CDKAL1: variants seen among roughly 807,000 people sequenced by gnomAD.
CDKAL1 encodes the protein threonylcarbamoyladenosine tRNA methylthiotransferase.
In CDKAL1, 32 loss-of-function variants were observed where a neutral mutation model predicts 68.2. That is an observed-to-expected ratio of 0.47 (90% CI 0.35 to 0.63). The LOEUF (loss-of-function observed/expected upper bound fraction) is 0.63, where lower values mean the gene tolerates loss of function less well. CDKAL1 is among the 30% of genes least tolerant of loss of function. The pLI, the probability that CDKAL1 is intolerant of heterozygous loss-of-function variation, is 0.00. For synonymous variants in CDKAL1, 234 were observed against 244.3 expected, an observed-to-expected ratio of 0.96 and a Z score of 0.39; for missense variants, 606 against 696.7, an observed-to-expected ratio of 0.87 and a Z score of 1.47.
intron 9 of CDKAL1, among the ~76,000 whole-genome samples, chr6:20,920,392 A>G (rs933785906): frequency 1.1e-4 from 16 of 152,240 alleles, no homozygotes; most frequent in African/African-American, 3.9e-4. Flanking sequence ...AGACGAGGAT[A>G]GGGATCAAAG....
intron 5 of CDKAL1, among the ~76,000 whole-genome samples, chr6:20,714,214 A>T (rs1375060330): frequency 6.6e-6 from 1 of 151,872 alleles, no homozygotes; most frequent in South Asian, 2.1e-4. Context: ...CATAATGTTC[A>T]GTTGATCCAG....
In CDKAL1 at chr6:21,028,618, C is replaced by G. The variant is rs1001066267; in HGVS notation, c.1055+28246C>G. ...TCAGCTCAGGGCTCCACCCTTAAGA[C>G]CTCATTTAACCTTAGTTACCTAAAG... On this transcript the variant is annotated intron_variant, in intron 11 of 15. Transcript: ENST00000274695. Among the ~76,000 whole-genome samples, 5 of 152,148 alleles carry G rather than the reference C, an allele frequency of 3.3e-5. No individual in the cohort carries two copies. The South Asian group carries it at 1.0e-3, about 32-fold the overall frequency.
intron 11 of CDKAL1, among the ~76,000 whole-genome samples, chr6:21,052,586 T>C (rs1296732718): frequency 6.7e-6 from 1 of 148,888 alleles, no homozygotes; most frequent in Non-Finnish European, 1.5e-5. Flanking sequence ...TTGCTCAGGC[T>C]GGCCATGAAC....
chr6:20,569,916 G>C (rs1043300990), intron 4 of CDKAL1, among the ~76,000 whole-genome samples: 3 of 152,096 alleles, frequency 2.0e-5, no homozygotes, highest in African/African-American at 7.2e-5. Flanking sequence ...TCTCAAGAGA[G>C]TGATTCTTCT....
Position 20,535,395 on chromosome 6 carries a change from G to T in CDKAL1, c.-6+1G>T, listed in dbSNP as rs1219680880. Reference sequence around the variant, plus strand: ...TTTAGACTAATTGCAGATAATTAAGGTACTGATTTATTTTAAACCTTTTAT... The same window carrying T: ...TTTAGACTAATTGCAGATAATTAAGTTACTGATTTATTTTAAACCTTTTAT... On this transcript the variant is annotated splice_donor_variant, in intron 2 of 15. Coordinates refer to ENST00000274695, the MANE Select transcript of CDKAL1 (RefSeq NM_017774.3). LOFTEE classifies it low-confidence loss of function (5UTR_SPLICE). The T allele has an allele frequency of 6.6e-6, 1 of 152,176 alleles. No homozygotes were observed. The highest frequency in any genetic ancestry group is 2.1e-4 in the South Asian group (1 of 4,830). 9.4% of individuals were successfully genotyped at this position (152,176 alleles called of 1,614,324 possible). A position where few individuals can be genotyped will look rare whatever the true frequency, so the allele number is the denominator to read the frequency against.
intron 4 of CDKAL1, among the ~76,000 whole-genome samples, chr6:20,591,102 G>A (rs1765572821): frequency 6.6e-6 from 1 of 152,182 alleles, no homozygotes; most frequent in African/African-American, 2.4e-5. Context: ...TTTCTCCAAT[G>A]ACCAGTGATG....
intron 8 of CDKAL1, among the ~76,000 whole-genome samples, chr6:20,814,535 C>A (rs773017590): frequency 1.3e-5 from 2 of 152,184 alleles, no homozygotes; most frequent in Non-Finnish European, 2.9e-5. Context: ...CTGCGTCTGC[C>A]TCCTAAAGTG....
At chr6:20,773,350 T>A (rs1775025778) in intron 7 of CDKAL1, among the ~76,000 whole-genome samples, 1 of 152,212 alleles carries the variant, frequency 6.6e-6, no homozygotes, top group African/African-American at 2.4e-5. Context: ...AAACTTTGAC[T>A]ACACTTTTGT....
intron 15 of CDKAL1, among the ~76,000 whole-genome samples, chr6:21,214,185 T>A (rs183713982): frequency 6.6e-6 from 1 of 152,032 alleles, no homozygotes; most frequent in East Asian, 1.9e-4. Flanking sequence ...AGATGGGGAG[T>A]TCCTTAAGGG....
intron 8 of CDKAL1, among the ~76,000 whole-genome samples, chr6:20,790,503 G>A (rs1186299205): frequency 6.6e-6 from 1 of 152,194 alleles, no homozygotes; most frequent in Non-Finnish European, 1.5e-5. Context: ...CTCCGAACTT[G>A]GTGACGCTGG....
intron 9 of CDKAL1, among the ~76,000 whole-genome samples, chr6:20,906,066 G>A (rs997985162): frequency 6.6e-6 from 1 of 152,154 alleles, no homozygotes; most frequent in Non-Finnish European, 1.5e-5. Flanking sequence ...TAGTAGTATC[G>A]TAACAACAGA....
At chr6:20,596,819 G>A (rs928244518) in intron 4 of CDKAL1, among the ~76,000 whole-genome samples, 5 of 152,232 alleles carry the variant, frequency 3.3e-5, no homozygotes, top group Non-Finnish European at 5.9e-5. Context: ...AAGACCATGG[G>A]AAAAGTGTAG....
chr6:20,763,067 T>C lies in CDKAL1; in HGVS notation c.517+4424T>C, dbSNP rs138595840. 1.7e-3 allele frequency among the ~76,000 whole-genome samples: 264 copies of C among 152,338 alleles called. 1 individual carries two copies. Among genetic ancestry groups the C allele is most frequent in the African/African-American group, 5.9e-3 (244 of 41,572 alleles). On this transcript the variant is annotated intron_variant, in intron 7 of 15. Transcript: ENST00000274695. The stretch of plus-strand genomic sequence containing the variant: ...TATCTTCTGTTTGTCCTTCCACATC[T>C]ATTCTCCATCTTGATCTGTGTCCTT...
At position 20,840,049 on chromosome 6, in the gene CDKAL1, A is replaced by G. The variant is rs78329310; in HGVS notation, c.639-6026A>G. Among the ~76,000 whole-genome samples, 22 of 152,354 alleles carry G rather than the reference A, an allele frequency of 1.4e-4. 1 individual carries two copies. The East Asian group carries it at 3.9e-3, about 27-fold the overall frequency. ...GTGTTTCTTAAGAGAAGTACAGAGTACAATTGGTGATAAAGGAAATTCAAA... is the reference window on the plus strand; with the variant it reads ...GTGTTTCTTAAGAGAAGTACAGAGTGCAATTGGTGATAAAGGAAATTCAAA... On this transcript the variant is annotated intron_variant, in intron 8 of 15. Coordinates refer to ENST00000274695, the MANE Select transcript of CDKAL1 (RefSeq NM_017774.3).
At chr6:20,683,000 A>G (rs1269114723) in intron 5 of CDKAL1, among the ~76,000 whole-genome samples, 1 of 142,238 alleles carries the variant, frequency 7.0e-6, no homozygotes, top group African/African-American at 2.6e-5. Flanking sequence ...TTGCCTAGGC[A>G]GGAGTGCAGT....
intron 8 of CDKAL1, among the ~76,000 whole-genome samples, chr6:20,843,926 A>G (rs970744725): frequency 8.5e-5 from 13 of 152,138 alleles, no homozygotes; most frequent in African/African-American, 2.9e-4. Flanking sequence ...ATACGTGGGA[A>G]TCACAGCTTC....
intron 9 of CDKAL1, among the ~76,000 whole-genome samples, chr6:20,901,893 C>T (rs1035316336): frequency 6.6e-6 from 1 of 151,824 alleles, no homozygotes; most frequent in South Asian, 2.1e-4. Context: ...TTTCATGCCT[C>T]AGCCTCCTAA....
Position 21,171,579 on chromosome 6 carries a change from A to ATGTAGCCATTCATGTAGCCATTAC in CDKAL1, c.1300-26442_1300-26441insTGTAGCCATTCATGTAGCCATTAC, listed in dbSNP as rs1777391293. Among the ~76,000 whole-genome samples the ATGTAGCCATTCATGTAGCCATTAC allele has an allele frequency of 3.3e-5, 5 of 152,328 alleles. No homozygotes were observed. The South Asian group carries it at 1.0e-3, about 32-fold the overall frequency. On this transcript the variant is annotated intron_variant, in intron 13 of 15. Coordinates refer to ENST00000274695, the MANE Select transcript of CDKAL1 (RefSeq NM_017774.3). ...TGAAGTTCTCAGAAACCTTTTCTGT[A>ATGTAGCCATTCATGTAGCCATTAC]ATGGCTACATAATACTATGCCATTG...
At chr6:20,860,128 A>C (rs988826712) in intron 9 of CDKAL1, among the ~76,000 whole-genome samples, 6 of 151,956 alleles carry the variant, frequency 3.9e-5, no homozygotes, top group African/African-American at 1.5e-4. Flanking sequence ...CCCAGGCTGG[A>C]GTGCAGTGGT....
Sources: allele counts gnomAD v4.1 joint callset (sites outside exome capture counted in the v4.1 genomes callset), GRCh38; gene constraint gnomAD v4.1.1; transcripts MANE v1.5; gene names NCBI Gene and HGNC (gene_info 2026-07-23, HGNC 2026-07-21).